Variants in MYT1L observed in about 807,000 individuals in gnomAD.
MYT1L encodes myelin transcription factor 1 like, also known as myelin transcription factor 1-like protein.
A neutral mutation model predicts 126.7 loss-of-function variants in MYT1L; 12 were observed. The observed-to-expected ratio is 0.09, with a 90% CI of 0.06 to 0.15. MYT1L has a LOEUF of 0.15. Among genes scored for constraint, MYT1L ranks in the 10% least tolerant of loss-of-function variants. The pLI, the probability that MYT1L is intolerant of heterozygous loss-of-function variation, is 1.00. For synonymous variants in MYT1L, 541 were observed against 604.2 expected (o/e 0.90, Z 1.53); for missense variants, 979 against 1,585.2 (o/e 0.62, Z 6.49).
chr2:1,794,613 T>C (rs2033027183), intron 23 of MYT1L, among the ~76,000 whole-genome samples: 1 of 152,160 alleles, frequency 6.6e-6, no homozygotes, highest in Non-Finnish European at 1.5e-5. Context: ...GGACACATTT[T>C]AGATCCATTC....
intron 2 of MYT1L, among the ~76,000 whole-genome samples, chr2:2,192,213 G>C (rs1353129580): frequency 6.6e-6 from 1 of 152,202 alleles, no homozygotes; most frequent in Non-Finnish European, 1.5e-5. Flanking sequence ...ATATAGTTCA[G>C]ATAAAACATG....
Position 1,876,652 on chromosome 2 carries a change from ACCTGCTGCCTCCCATCCCAGC to A in MYT1L, c.2711+9866_2711+9886del, listed in dbSNP as rs2046953882. The stretch of plus-strand genomic sequence containing the variant: ...TGCGTGCCGCCATTGAAACCTCAGC[ACCTGCTGCCTCCCATCCCAGC>A]CCTGCACCCCACTGCCAGGGCTCCG... On this transcript the variant is annotated intron_variant, in intron 18 of 24. Coordinates refer to ENST00000647738, the MANE Select transcript of MYT1L (RefSeq NM_001303052.2). 3.9e-5 allele frequency among the ~76,000 whole-genome samples: 6 copies of A among 152,160 alleles called. No homozygotes were observed. In the South Asian group the frequency reaches 1.2e-3, roughly 32 times the overall value.
At chr2:1,836,700 C>CCCATCAGCCTGCATCCCAAAATT (rs1376968460) in intron 21 of MYT1L, among the ~76,000 whole-genome samples, 3 of 146,740 alleles carry the variant, frequency 2.0e-5, no homozygotes. Flanking sequence ...ACCCCAAGAT[C>CCCATCAGCCTGCATCCCAAAATT]CCATCAGCCT....
intron 8 of MYT1L, among the ~76,000 whole-genome samples, chr2:1,944,366 A>C (rs900026472): frequency 6.6e-6 from 1 of 152,178 alleles, no homozygotes; most frequent in Admixed American, 6.5e-5. Context: ...TATACTACAA[A>C]AAAATAGGTG....
intron 4 of MYT1L, among the ~76,000 whole-genome samples, chr2:2,012,997 T>C (rs775674335): frequency 3.9e-5 from 6 of 152,122 alleles, no homozygotes; most frequent in Admixed American, 3.9e-4. Flanking sequence ...TGAAAAAACA[T>C]AGTATATGGA....
At chr2:2,184,019 AAG>A (rs949184283) in intron 2 of MYT1L, among the ~76,000 whole-genome samples, 3 of 150,822 alleles carry the variant, frequency 2.0e-5, no homozygotes, top group Non-Finnish European at 3.0e-5. Context: ...GAAAGAGAGA[AAG>A]AAAGACAGAA....
At chr2:1,973,719 C>T (rs780633309) in intron 8 of MYT1L, among the ~76,000 whole-genome samples, 3 of 152,188 alleles carry the variant, frequency 2.0e-5, no homozygotes, top group Non-Finnish European at 2.9e-5. Flanking sequence ...CAGGAGATAG[C>T]AGGCTTTGGT....
At chr2:2,325,941 A>T (rs1043762708) in intron 1 of MYT1L, 4 of 152,294 alleles carry the variant, frequency 2.6e-5, no homozygotes, top group African/African-American at 4.8e-5. Context: ...ACTATTTTTG[A>T]AGTACTTAAG....
At chr2:2,294,206 C>T (rs938566703) in intron 1 of MYT1L, among the ~76,000 whole-genome samples, 14 of 152,182 alleles carry the variant, frequency 9.2e-5, no homozygotes, top group Non-Finnish European at 1.6e-4. Flanking sequence ...TAGCGACTCA[C>T]GGGCGGTGCC....
At chr2:2,075,368 C>T (rs1429205422) in intron 3 of MYT1L, among the ~76,000 whole-genome samples, 1 of 152,128 alleles carries the variant, frequency 6.6e-6, no homozygotes, top group African/African-American at 2.4e-5. Flanking sequence ...ACATCTGACA[C>T]CCTCACCATG....
chr2:2,109,537 T>G (rs2079128409), intron 3 of MYT1L, among the ~76,000 whole-genome samples: 1 of 152,004 alleles, frequency 6.6e-6, no homozygotes, highest in Non-Finnish European at 1.5e-5. Flanking sequence ...TGCCCTTTCT[T>G]TAGCTTTCTT....
intron 3 of MYT1L, among the ~76,000 whole-genome samples, chr2:2,112,421 A>G (rs1276066367): frequency 6.6e-6 from 1 of 152,248 alleles, no homozygotes; most frequent in Non-Finnish European, 1.5e-5. Flanking sequence ...TTCCTTAATC[A>G]TTTGCCTAAA....
intron 3 of MYT1L, among the ~76,000 whole-genome samples, chr2:2,114,381 C>T (rs1309240349): frequency 6.6e-6 from 1 of 152,328 alleles, no homozygotes; most frequent in Non-Finnish European, 1.5e-5. Flanking sequence ...CCTATGTTGA[C>T]AAATGAAAGA....
intron 2 of MYT1L, among the ~76,000 whole-genome samples, chr2:2,199,152 A>T (rs2092949382): frequency 6.6e-6 from 1 of 152,212 alleles, no homozygotes; most frequent in South Asian, 2.1e-4. Flanking sequence ...AGAACATCAC[A>T]ATGAGATCTT....
chr2:2,189,413 T>C (rs536763829), intron 2 of MYT1L, among the ~76,000 whole-genome samples: 1 of 152,338 alleles, frequency 6.6e-6, no homozygotes, highest in East Asian at 1.9e-4. Context: ...ACTTATGCAA[T>C]ATGTTAAGTG....
chr2:1,917,284 T>C lies in MYT1L; in HGVS notation c.1539A>G (p.Gly513=). ...GGTACAGCCCAGTTACGTGGCCGGT[T>C]CCATCACACCCGGGGGTTGGACACT... The part of the protein sequence containing the change: ...ESKCPTPGCD[G]TGHVTGLYPH... The change falls in exon 11 of 25, where the codon GGA becomes GGG. Residue 513 remains glycine (G), a synonymous_variant. Coordinates refer to ENST00000647738, the MANE Select transcript of MYT1L (RefSeq NM_001303052.2). The surrounding 1 kb of genome is among the most constrained non-coding windows in gnomAD (Gnocchi z 5.9). 6.2e-7 allele frequency: 1 copy of C among 1,613,404 alleles called. No homozygotes were observed. Among genetic ancestry groups the C allele is most frequent in the Non-Finnish European group, 8.5e-7 (1 of 1,179,428 alleles).
At chr2:2,032,443 T>C (rs2066430797) in intron 4 of MYT1L, among the ~76,000 whole-genome samples, 1 of 95,020 alleles carries the variant, frequency 1.1e-5, no homozygotes. Context: ...TCTCATCCTG[T>C]GGCCCAGAGC....
intron 8 of MYT1L, among the ~76,000 whole-genome samples, chr2:1,947,474 G>A (rs374210194): frequency 2.0e-5 from 3 of 152,182 alleles, no homozygotes; most frequent in African/African-American, 7.2e-5. Flanking sequence ...TGGGCCGTAG[G>A]GCATTGCTGT....
Position 2,236,793 on chromosome 2 carries a change from CTTCTTCTTCTTCTTCTTCTTCTTT to C in MYT1L, c.-421+47587_-421+47610del, listed in dbSNP as rs1182626454. On this transcript the variant is annotated intron_variant, in intron 2 of 24. Transcript: ENST00000647738. ...TCTTCTTCTTCTTCTTCTTCTTCTT[CTTCTTCTTCTTCTTCTTCTTCTTT>C]TTTTTTTTTTTTTTTGATGGAGTTT... Among the ~76,000 whole-genome samples, 5 of 15,974 alleles carry C rather than the reference CTTCTTCTTCTTCTTCTTCTTCTTT, an allele frequency of 3.1e-4. 1 individual carries two copies. The highest frequency in any genetic ancestry group is 4.8e-4 in the Non-Finnish European group (5 of 10,394). The allele number at this position is 15,974 out of a possible 152,430, so 10.5% of individuals were successfully genotyped here.
Sources: allele counts gnomAD v4.1 joint callset (sites outside exome capture counted in the v4.1 genomes callset), GRCh38; gene constraint gnomAD v4.1.1; non-coding constraint Gnocchi (gnomAD v3.1); transcripts MANE v1.5; gene names NCBI Gene and HGNC (gene_info 2026-07-23, HGNC 2026-07-21).